The following SERPINB5 variants were observed in gnomAD, a reference collection of about 807,000 sequenced individuals.
The protein encoded by SERPINB5 is serpin B5.
In SERPINB5, 27 loss-of-function variants were observed where a neutral mutation model predicts 32.2. The observed-to-expected ratio is 0.84, with a 90% confidence interval of 0.62 to 1.16. The LOEUF is 1.16. Among genes scored for constraint, SERPINB5 ranks in the 50% most tolerant of loss-of-function variants. The pLI, the probability that SERPINB5 is intolerant of heterozygous loss-of-function variation, is 0.00. For synonymous variants in SERPINB5, 154 were observed against 157.4 expected (o/e 0.98, Z 0.16); for missense variants, 388 against 436.3 (o/e 0.89, Z 0.99).
intron 1 of SERPINB5, among the ~76,000 whole-genome samples, 177 bp from the exon 2 acceptor site, chr18:63,484,245 C>T (rs1470544092): frequency 6.6e-6 from 1 of 152,220 alleles, no homozygotes; most frequent in Non-Finnish European, 1.5e-5. Flanking sequence ...TGCCTTCAGA[C>T]ATTTGCCTGG....
intron 1 of SERPINB5, among the ~76,000 whole-genome samples, chr18:63,480,655 A>G (rs1183017011): frequency 6.6e-6 from 1 of 152,224 alleles, no homozygotes; most frequent in Non-Finnish European, 1.5e-5. Flanking sequence ...GTCTTGCAAC[A>G]CAGTCATGTG....
At chr18:63,495,852 C>T (rs1175592574) in intron 5 of SERPINB5, among the ~76,000 whole-genome samples, 6 of 152,320 alleles carry the variant, frequency 3.9e-5, no homozygotes, top group South Asian at 2.1e-4. Context: ...CATGAGGCTA[C>T]ACCCTTCTTT....
chr18:63,492,067 C>T (rs1177375824), intron 4 of SERPINB5, among the ~76,000 whole-genome samples: 1 of 152,010 alleles, frequency 6.6e-6, no homozygotes, highest in Non-Finnish European at 1.5e-5. Context: ...GTGAAGTGGG[C>T]CCTGAACATT....
At chr18:63,486,909 G>GC (rs1307735087) in intron 2 of SERPINB5, 37 bp from the exon 3 acceptor site, 1 of 1,609,820 alleles carries the variant, frequency 6.2e-7, no homozygotes. Context: ...CTACTCAGAG[G>GC]CAATGCTTTT....
intron 5 of SERPINB5, 104 bp downstream of exon 5, chr18:63,493,199 C>T: frequency 6.7e-7 from 1 of 1,494,382 alleles, no homozygotes; most frequent in Non-Finnish European, 9.2e-7. Context: ...AACCTGAGGG[C>T]ACGGCCGGCA....
intron 4 of SERPINB5, chr18:63,490,847 G>A (rs1406368157): frequency 6.6e-6 from 1 of 152,136 alleles, no homozygotes; most frequent in Non-Finnish European, 1.5e-5. Flanking sequence ...TATTTCAATA[G>A]GTTTTGGGGA....
chr18:63,500,374 C>T (rs995758682), intron 6 of SERPINB5, among the ~76,000 whole-genome samples: 8 of 152,090 alleles, frequency 5.3e-5, no homozygotes, highest in South Asian at 2.1e-4. Context: ...TCACAATTTA[C>T]GTTACGGTTC....
intron 3 of SERPINB5, among the ~76,000 whole-genome samples, chr18:63,488,909 C>T (rs62100032): frequency 0.37 from 56,434 of 151,954 alleles, 11,766 homozygotes; most frequent in Non-Finnish European, 0.49. Flanking sequence ...CTGTACACCA[C>T]CTTGGACCAC....
intron 1 of SERPINB5, among the ~76,000 whole-genome samples, chr18:63,480,612 A>G (rs1917112133): frequency 6.6e-6 from 1 of 152,180 alleles, no homozygotes; most frequent in African/African-American, 2.4e-5. Context: ...ATGTATTGTT[A>G]ACATTGCTGA....
intron 6 of SERPINB5, among the ~76,000 whole-genome samples, chr18:63,501,000 A>G (rs1909560242): frequency 6.8e-6 from 1 of 146,994 alleles, no homozygotes; most frequent in African/African-American, 2.5e-5. Flanking sequence ...ATAAACATCA[A>G]TTATTTTCTT....
At chr18:63,482,923 A>G (rs1408567224) in intron 1 of SERPINB5, among the ~76,000 whole-genome samples, 1 of 130,742 alleles carries the variant, frequency 7.6e-6, no homozygotes, top group Non-Finnish European at 1.8e-5. Flanking sequence ...ATTGTTTTTC[A>G]TTTTTGCAAA....
rs144850340 is a variant in SERPINB5, at chr18:63,500,577, T to C, written c.735+1290T>C. ...TTTAAATAAGAGTAGCAGTTTTCTC[T>C]GCAGGTGAATGGAGTTTTAGCTTCC... On this transcript the variant is annotated intron_variant, in intron 6 of 6. Transcript: ENST00000382771. Among the ~76,000 whole-genome samples the C allele has an allele frequency of 1.9e-3, 296 of 152,342 alleles. 2 individuals are homozygous for C. Among genetic ancestry groups the C allele is most frequent in the African/African-American group, 6.3e-3 (261 of 41,582 alleles).
At chr18:63,485,434 G>C (rs11875704) in intron 2 of SERPINB5, among the ~76,000 whole-genome samples, 2,814 of 152,232 alleles carry the variant, frequency 0.018, 83 homozygotes, top group African/African-American at 0.064. Flanking sequence ...ATTTAAAAAG[G>C]CAACACCTTC....
At position 63,487,928 on chromosome 18, in the gene SERPINB5, C is replaced by T; in HGVS notation, c.306+845C>T. ...TTTTGTGGTTAAGATCTTTTGAGGA[C>T]ATGGGTTACTAGATATTGTGAGTAT... On this transcript the variant is annotated intron_variant, in intron 3 of 6. Coordinates refer to ENST00000382771, the MANE Select transcript of SERPINB5 (RefSeq NM_002639.5). Among the ~76,000 whole-genome samples, 2 of 151,906 alleles carry T rather than the reference C, an allele frequency of 1.3e-5. 1 individual carries two copies. The highest frequency in any genetic ancestry group is 1.3e-4 in the Admixed American group (2 of 15,256).
chr18:63,479,006 C>T (rs977979857), intron 1 of SERPINB5, among the ~76,000 whole-genome samples: 7 of 152,082 alleles, frequency 4.6e-5, no homozygotes, highest in South Asian at 2.1e-4. Context: ...GTGATCTGCC[C>T]GCCTTGGCCT....
chr18:63,502,046 T>A (rs1418573815), intron 6 of SERPINB5, among the ~76,000 whole-genome samples: 1 of 152,216 alleles, frequency 6.6e-6, no homozygotes, highest in Non-Finnish European at 1.5e-5. Flanking sequence ...CTCTTTAGTT[T>A]AATTAGATCC....
At chr18:63,494,725 A>G (rs1019253333) in intron 5 of SERPINB5, among the ~76,000 whole-genome samples, 3 of 152,110 alleles carry the variant, frequency 2.0e-5, no homozygotes, top group African/African-American at 7.2e-5. Context: ...CTTTGTTCCC[A>G]TGGAATTTTT....
intron 6 of SERPINB5, 100 bp downstream of exon 6, chr18:63,499,387 C>A: frequency 9.4e-7 from 1 of 1,059,604 alleles, no homozygotes; most frequent in Non-Finnish European, 1.3e-6. Flanking sequence ...GCCGGTAGCC[C>A]TCCCTTATTG....
intron 6 of SERPINB5, among the ~76,000 whole-genome samples, chr18:63,499,737 G>A (rs987217200): frequency 4.4e-4 from 67 of 152,230 alleles, no homozygotes; most frequent in African/African-American, 1.6e-3. Context: ...GGCAGTTAAG[G>A]CACTACGTTG....
Sources: allele counts gnomAD v4.1 joint callset (sites outside exome capture counted in the v4.1 genomes callset), GRCh38; gene constraint gnomAD v4.1.1; transcripts MANE v1.5; gene names NCBI Gene and HGNC (gene_info 2026-07-23, HGNC 2026-07-21).